The following UTP6 variants were observed in gnomAD, a reference collection of about 807,000 sequenced individuals.
The protein encoded by UTP6 is UTP6 small subunit processome component, also known as U3 small nucleolar RNA-associated protein 6 homolog.
A neutral mutation model predicts 96.5 loss-of-function variants in UTP6; 60 were observed. The observed-to-expected ratio is 0.62, with a 90% CI of 0.51 to 0.77. The LOEUF is 0.77. Among genes scored for constraint, UTP6 ranks in the 30% least tolerant of loss-of-function variants. The pLI, the probability that UTP6 is intolerant of heterozygous loss-of-function variation, is 0.00. For synonymous variants in UTP6, 215 were observed against 240.1 expected, an observed-to-expected ratio of 0.90 and a Z score of 0.96; for missense variants, 637 against 706.5, an observed-to-expected ratio of 0.90 and a Z score of 1.12.
At chr17:31,864,442 T>A (rs28479349) in intron 18 of UTP6, among the ~76,000 whole-genome samples, 4,693 of 152,150 alleles carry the variant, frequency 0.031, 245 homozygotes, top group African/African-American at 0.11. Flanking sequence ...GTCCACAGAT[T>A]TTACATGACA....
intron 1 of UTP6, 70 bp downstream of exon 1, chr17:31,901,466 G>C: frequency 6.9e-7 from 1 of 1,454,036 alleles, no homozygotes; most frequent in South Asian, 1.1e-5. Context: ...CCCACATCTA[G>C]CCCCTGCCAC....
Position 31,887,266 on chromosome 17 carries a change from C to G in UTP6, c.591G>C (p.Lys197Asn), listed in dbSNP as rs142388164. The G allele has an allele frequency of 6.5e-5, 105 of 1,614,092 alleles. 1 individual carries two copies. The Admixed American group carries it at 1.1e-3, about 17-fold the overall frequency. ...LMHAEKLRKE[K>N]EEFEKASMDV... ...CCATACTGGCTTTTTCAAATTCTTC[C>G]TTCTCCTTCCTCAGTTTTTCAGCAT... The change falls in exon 8 of 19, where the codon AAG (lysine) becomes AAC (asparagine). Residue 197 changes from lysine (K) to asparagine (N), a missense_variant. Lys to Asn is a moderately conservative substitution (Grantham distance 94). Coordinates refer to ENST00000261708, the MANE Select transcript of UTP6 (RefSeq NM_018428.3).
intron 7 of UTP6, 127 bp from the exon 8 acceptor site, chr17:31,887,440 T>C (rs967368716): frequency 1.5e-6 from 1 of 679,268 alleles, no homozygotes; most frequent in Non-Finnish European, 2.6e-6. Flanking sequence ...CATGAATTCC[T>C]GCACTCAAGT....
intron 4 of UTP6, among the ~76,000 whole-genome samples, 194 bp downstream of exon 4, chr17:31,894,451 T>C (rs1196987221): frequency 6.6e-6 from 1 of 152,096 alleles, no homozygotes; most frequent in Non-Finnish European, 1.5e-5. Flanking sequence ...ATAGAATAAC[T>C]ATAAGGTAAT....
At chr17:31,873,304 T>C in intron 16 of UTP6, 74 bp downstream of exon 16, 1 of 1,385,676 alleles carries the variant, frequency 7.2e-7, no homozygotes. Context: ...CTATCTGTGA[T>C]TCAAATAATC....
rs772969811 is a variant in UTP6, at chr17:31,878,353, C to A, written c.1048-26G>T. 5 of 1,612,032 alleles carry A rather than the reference C, an allele frequency of 3.1e-6. No homozygotes were observed. The Admixed American group carries it at 6.7e-5, about 22-fold the overall frequency. ...CTGAAAACAGAAAAATCCCTCAGTT[C>A]ATTACAAAGATCCCAGCAGGGGCCT... On this transcript the variant is annotated intron_variant, in intron 12 of 18. Transcript: ENST00000261708.
In UTP6 at chr17:31,894,596, A is replaced by G. The variant is rs73988488; in HGVS notation, c.312+49T>C. The G allele has an allele frequency of 1.2e-3, 1,576 of 1,301,936 alleles. 16 individuals carry two copies. In the African/African-American group the frequency reaches 0.02, roughly 17 times the overall value. The allele number at this position is 1,301,936 out of a possible 1,614,324, so 80.6% of individuals were successfully genotyped here. A position where few individuals can be genotyped will look rare whatever the true frequency, so the allele number is the denominator to read the frequency against. On this transcript the variant is annotated intron_variant, in intron 4 of 18. Transcript: ENST00000261708. ...TTTGAATCCCTAATACAATATGTATAATACTTATCTTCACATCTCATAAAG... is the reference window on the plus strand; with the variant it reads ...TTTGAATCCCTAATACAATATGTATGATACTTATCTTCACATCTCATAAAG...
intron 10 of UTP6, among the ~76,000 whole-genome samples, chr17:31,881,267 C>CTTTTTTTTTT (rs202102116): frequency 7.5e-6 from 1 of 132,898 alleles, no homozygotes. Flanking sequence ...CACTTTTTCA[C>CTTTTTTTTTT]TTTTTTTTTT....
intron 13 of UTP6, 119 bp from the exon 14 acceptor site, chr17:31,875,532 A>T: frequency 8.2e-7 from 1 of 1,213,566 alleles, no homozygotes; most frequent in Non-Finnish European, 1.1e-6. Flanking sequence ...TACAATTTAA[A>T]ATAAAAAAGA....
At position 31,868,040 on chromosome 17, in the gene UTP6, A is replaced by G; in HGVS notation, c.1563+6T>C. On this transcript the variant is annotated splice_donor_region_variant and intron_variant, in intron 17 of 18. Coordinates refer to ENST00000261708, the MANE Select transcript of UTP6 (RefSeq NM_018428.3). The stretch of plus-strand genomic sequence containing the variant: ...CAGACAAGAAATGCTGAAACAGAAC[A>G]CTTACTTGCTCCTTTTCAAACTGAA... The G allele has an allele frequency of 8.1e-6, 13 of 1,612,710 alleles. No individual in the cohort carries two copies. Among genetic ancestry groups the G allele is most frequent in the Non-Finnish European group, 1.1e-5 (13 of 1,179,130 alleles).
intron 7 of UTP6, among the ~76,000 whole-genome samples, chr17:31,888,393 C>T (rs1341263244): frequency 6.6e-6 from 1 of 152,182 alleles, no homozygotes; most frequent in Non-Finnish European, 1.5e-5. Flanking sequence ...TTAGAAGCTG[C>T]AGTGTCAACA....
intron 6 of UTP6, among the ~76,000 whole-genome samples, chr17:31,889,939 A>G (rs1422718743): frequency 2.0e-5 from 3 of 152,208 alleles, no homozygotes; most frequent in African/African-American, 7.2e-5. Context: ...ACAAATGTTC[A>G]ATTTAGAGGA....
intron 10 of UTP6, 76 bp from the exon 11 acceptor site, chr17:31,880,830 G>T: frequency 6.3e-7 from 1 of 1,575,520 alleles, no homozygotes; most frequent in Non-Finnish European, 8.6e-7. Flanking sequence ...AGTTACCTGT[G>T]CTTAAAAAAT....
At chr17:31,869,945 G>A (rs886376117) in intron 16 of UTP6, among the ~76,000 whole-genome samples, 1 of 152,138 alleles carries the variant, frequency 6.6e-6, no homozygotes, top group Non-Finnish European at 1.5e-5. Context: ...CTGTTCCTGT[G>A]ATAACTTGCT....
In UTP6 at chr17:31,880,642, C is replaced by T. The variant is rs1018187555; in HGVS notation, c.898G>A (p.Val300Met). ...CTCTCCTCCTTCCGGCCGACCTCCA[C>T]TGCTTTGGCTTGTTTCGTTGTAGGC... Reference protein sequence around the residue: ...EQPTTKQAKAVEVGRKEERCC... With the variant: ...EQPTTKQAKAMEVGRKEERCC... Residue 300 changes from valine to methionine, a missense_variant, in exon 11 of 19, where the codon GTG (valine) becomes ATG (methionine). Coordinates refer to ENST00000261708, the MANE Select transcript of UTP6 (RefSeq NM_018428.3). The T allele has an allele frequency of 7.4e-6, 12 of 1,614,058 alleles. No homozygotes were observed. The highest frequency in any genetic ancestry group is 1.0e-5 in the Non-Finnish European group (12 of 1,180,038).
Position 31,875,399 on chromosome 17 carries a change from C to A in UTP6, c.1140G>T (p.Leu380=). 1 of 1,614,002 alleles carries A rather than the reference C, an allele frequency of 6.2e-7. No individual in the cohort carries two copies. The highest frequency in any genetic ancestry group is 8.5e-7 in the Non-Finnish European group (1 of 1,179,976). ...CQYKQLSVSL[L]CYNFLREALE... ...GAGCTTCCCTCAGGAAGTTATAACA[C>A]AGCAACGAAACACTCTAGACAAGAT... Residue 380 remains leucine (L), a synonymous_variant, in exon 14 of 19, where the codon CTG becomes CTT. Coordinates refer to ENST00000261708, the MANE Select transcript of UTP6 (RefSeq NM_018428.3).
chr17:31,888,432 G>A (rs886621319), intron 7 of UTP6, among the ~76,000 whole-genome samples: 1 of 152,124 alleles, frequency 6.6e-6, no homozygotes, highest in African/African-American at 2.4e-5. Context: ...TCCCTGGCCG[G>A]GCATGGTGGT....
At chr17:31,864,302 G>A (rs1179332079) in intron 18 of UTP6, among the ~76,000 whole-genome samples, 3 of 152,154 alleles carry the variant, frequency 2.0e-5, no homozygotes, top group Non-Finnish European at 4.4e-5. Flanking sequence ...CACGAGAATC[G>A]CTTGAATCTG....
intron 2 of UTP6, among the ~76,000 whole-genome samples, chr17:31,896,069 T>C (rs1431035794): frequency 6.6e-6 from 1 of 150,544 alleles, no homozygotes; most frequent in African/African-American, 2.4e-5. Context: ...GTCCTACACC[T>C]GGTTTTTTTT....
Sources: allele counts gnomAD v4.1 joint callset (sites outside exome capture counted in the v4.1 genomes callset), GRCh38; gene constraint gnomAD v4.1.1; transcripts MANE v1.5; gene names NCBI Gene and HGNC (gene_info 2026-07-23, HGNC 2026-07-21).